Variants in C12orf75 observed in about 807,000 individuals in gnomAD.
The protein encoded by C12orf75 is overexpressed in colon carcinoma 1 protein.
In C12orf75, 4 loss-of-function variants were observed where a neutral mutation model predicts 11.4. The ratio of observed to expected loss-of-function variants is 0.35; its 90% confidence interval spans 0.17 to 0.80. The LOEUF (loss-of-function observed/expected upper bound fraction) is 0.80. Ranked by LOEUF, C12orf75 falls within the 30% of genes least tolerant of loss-of-function variation. The pLI is 0.52. For synonymous variants in C12orf75, 30 were observed against 30.0 expected, an observed-to-expected ratio of 1.00 and a Z score of 0.00; for missense variants, 89 against 80.4, an observed-to-expected ratio of 1.11 and a Z score of -0.41.
At chr12:105,347,050 A>G (rs1892649878) in intron 1 of C12orf75, among the ~76,000 whole-genome samples, 1 of 152,236 alleles carries the variant, frequency 6.6e-6, no homozygotes, top group Admixed American at 6.5e-5. Flanking sequence ...CTCATTTGAC[A>G]TAAGGGAGGT....
At chr12:105,348,184 G>A (rs1892661504) in intron 1 of C12orf75, among the ~76,000 whole-genome samples, 1 of 152,174 alleles carries the variant, frequency 6.6e-6, no homozygotes, top group African/African-American at 2.4e-5. Flanking sequence ...GGCAATCAAG[G>A]TGGGAGGATT....
intron 1 of C12orf75, among the ~76,000 whole-genome samples, chr12:105,335,559 T>A (rs1361831544): frequency 3.3e-5 from 5 of 152,212 alleles, no homozygotes; most frequent in Non-Finnish European, 5.9e-5. Context: ...TGATACTATG[T>A]TTATTTCTTG....
chr12:105,370,095 T>C (rs543561636), intron 5 of C12orf75, among the ~76,000 whole-genome samples: 15 of 152,234 alleles, frequency 9.9e-5, no homozygotes, highest in Non-Finnish European at 1.6e-4. Context: ...AAATTACTTA[T>C]GTCAGGATGC....
chr12:105,348,195 G>T (rs374610311), intron 1 of C12orf75, among the ~76,000 whole-genome samples: 163 of 152,198 alleles, frequency 1.1e-3, no homozygotes, highest in African/African-American at 3.7e-3. Context: ...TGGGAGGATT[G>T]CTTAAGCCCA....
At chr12:105,338,702 C>A (rs1048188578) in intron 1 of C12orf75, among the ~76,000 whole-genome samples, 2 of 151,916 alleles carry the variant, frequency 1.3e-5, no homozygotes, top group Admixed American at 1.3e-4. Context: ...GTGCAGAGAT[C>A]ACATGGCAAG....
chr12:105,339,360 G>A (rs909747354), intron 1 of C12orf75, among the ~76,000 whole-genome samples: 4 of 148,000 alleles, frequency 2.7e-5, no homozygotes, highest in African/African-American at 5.0e-5. Flanking sequence ...GATAATTTAT[G>A]CTGAAAGAAG....
At chr12:105,369,830 G>A (rs1005500650) in intron 5 of C12orf75, among the ~76,000 whole-genome samples, 2 of 152,144 alleles carry the variant, frequency 1.3e-5, no homozygotes, top group African/African-American at 4.8e-5. Context: ...CATCCATTGT[G>A]GTCCTTACCT....
chr12:105,366,620 C>G lies in C12orf75; in HGVS notation c.111C>G (p.Asn37Lys), dbSNP rs1293778160. The G allele has an allele frequency of 6.6e-7, 1 of 1,508,128 alleles. No homozygotes were observed. The highest frequency in any genetic ancestry group is 9.0e-7 in the Non-Finnish European group (1 of 1,109,460). 93.4% of individuals were successfully genotyped at this position (1,508,128 alleles called of 1,614,324 possible). Reference protein sequence around the residue: ...ESVTEDDKRRNYGGVYVGLPS... With the variant: ...ESVTEDDKRRKYGGVYVGLPS... Reference sequence around the variant, plus strand: ...GGTTTGATTTCTTTTTATCAAGAAACTATGGAGGAGTATATGTTGGCCTAC... The same window carrying G: ...GGTTTGATTTCTTTTTATCAAGAAAGTATGGAGGAGTATATGTTGGCCTAC... Residue 37 changes from asparagine (N) to lysine (K), a missense_variant, in exon 4 of 6, where the codon AAC becomes AAG. Physicochemically the swap from Asn to Lys is moderately conservative, Grantham distance 94. Transcript: ENST00000443585.
At chr12:105,346,844 C>T (rs912201893) in intron 1 of C12orf75, among the ~76,000 whole-genome samples, 2 of 152,210 alleles carry the variant, frequency 1.3e-5, no homozygotes, top group African/African-American at 4.8e-5. Context: ...TTTATTTTTA[C>T]ACCTCTGTGA....
At chr12:105,335,728 G>A (rs1362194571) in intron 1 of C12orf75, among the ~76,000 whole-genome samples, 3 of 151,984 alleles carry the variant, frequency 2.0e-5, no homozygotes, top group Non-Finnish European at 2.9e-5. Flanking sequence ...CTGATACTAT[G>A]TTTATTTCTT....
chr12:105,346,754 A>G (rs1323831472), intron 1 of C12orf75, among the ~76,000 whole-genome samples: 2 of 152,242 alleles, frequency 1.3e-5, no homozygotes, highest in Non-Finnish European at 2.9e-5. Context: ...TGCAAAATGA[A>G]TATCATTGTT....
Position 105,356,439 on chromosome 12 carries a change from CTTT to C in C12orf75, c.71+7832_71+7834del, listed in dbSNP as rs77310165. Among the ~76,000 whole-genome samples, 535 of 106,352 alleles carry C rather than the reference CTTT, an allele frequency of 5.0e-3. 6 individuals are homozygous for C. The highest frequency in any genetic ancestry group is 0.012 in the South Asian group (36 of 2,888). The allele number at this position is 106,352 out of a possible 152,430, so 69.8% of individuals were successfully genotyped here. A position where few individuals can be genotyped will look rare whatever the true frequency, so the allele number is the denominator to read the frequency against. On this transcript the variant is annotated intron_variant, in intron 2 of 5. Transcript: ENST00000443585. ...ATAGGGAAAAAGAAAAGACTACAGG[CTTT>C]TTTTTTTTTTTTTTTTTTGCTTTTT...
rs919200516 is a variant in C12orf75, at chr12:105,330,700, C to T, written c.-192C>T. The T allele has an allele frequency of 3.0e-5, 12 of 399,434 alleles. No homozygotes were observed. The highest frequency in any genetic ancestry group is 1.9e-4 in the African/African-American group (9 of 46,306). 24.7% of individuals were successfully genotyped at this position (399,434 alleles called of 1,614,324 possible). Reference sequence around the variant, plus strand: ...GCGAGGGGTGCCGGGTGGTTTCCGCCCGGCAGCCCGCAGCCCGCTGCGCCC... The same window carrying T: ...GCGAGGGGTGCCGGGTGGTTTCCGCTCGGCAGCCCGCAGCCCGCTGCGCCC... On this transcript the variant is annotated 5_prime_UTR_variant, in exon 1 of 6. Transcript: ENST00000443585.
chr12:105,340,280 C>A (rs555927496), intron 1 of C12orf75, among the ~76,000 whole-genome samples: 2 of 151,692 alleles, frequency 1.3e-5, no homozygotes, highest in East Asian at 3.9e-4. Flanking sequence ...AAAAAATTAG[C>A]CGGGCGTGGT....
intron 5 of C12orf75, among the ~76,000 whole-genome samples, chr12:105,367,819 C>T (rs1216915672): frequency 6.6e-6 from 1 of 152,108 alleles, no homozygotes; most frequent in African/African-American, 2.4e-5. Flanking sequence ...GGGCCTAGGA[C>T]TTGAGAAATG....
chr12:105,341,087 A>G (rs576357103), intron 1 of C12orf75, among the ~76,000 whole-genome samples: 39 of 152,252 alleles, frequency 2.6e-4, no homozygotes, highest in African/African-American at 8.0e-4. Flanking sequence ...AACGAAGACA[A>G]TATTTTTCTG....
intron 5 of C12orf75, among the ~76,000 whole-genome samples, chr12:105,368,734 G>T (rs1871552643): frequency 6.6e-6 from 1 of 152,144 alleles, no homozygotes; most frequent in Non-Finnish European, 1.5e-5. Flanking sequence ...GCTAGAGAAA[G>T]GAGACGCAGA....
At chr12:105,332,662 C>T (rs1472598341) in intron 1 of C12orf75, among the ~76,000 whole-genome samples, 1 of 149,662 alleles carries the variant, frequency 6.7e-6, no homozygotes, top group African/African-American at 2.5e-5. Flanking sequence ...ACCTGGGAGG[C>T]GGAGGTTGCA....
chr12:105,349,712 C>T (rs544081617), intron 2 of C12orf75, among the ~76,000 whole-genome samples: 1 of 151,854 alleles, frequency 6.6e-6, no homozygotes, highest in East Asian at 1.9e-4. Flanking sequence ...CCTGTCTCTA[C>T]TAAAAATACA....
Sources: allele counts gnomAD v4.1 joint callset (sites outside exome capture counted in the v4.1 genomes callset), GRCh38; gene constraint gnomAD v4.1.1; transcripts MANE v1.5; gene names NCBI Gene and HGNC (gene_info 2026-07-23, HGNC 2026-07-21).